The following JAKMIP3 variants were observed in gnomAD, a reference collection of about 807,000 sequenced individuals.
JAKMIP3 encodes janus kinase and microtubule-interacting protein 3.
A neutral mutation model predicts 118.5 loss-of-function variants in JAKMIP3; 58 were observed. That is an observed-to-expected ratio of 0.49 (90% CI 0.40 to 0.61). The LOEUF is 0.61. JAKMIP3 is among the 20% of genes least tolerant of loss of function. JAKMIP3 has a pLI of 0.00. For synonymous variants in JAKMIP3, 486 were observed against 451.2 expected, an observed-to-expected ratio of 1.08 and a Z score of -0.98; for missense variants, 950 against 1,109.0, an observed-to-expected ratio of 0.86 and a Z score of 2.04.
chr10:132,155,001 GAT>G (rs2056873137), intron 19 of JAKMIP3, among the ~76,000 whole-genome samples: 1 of 7,566 alleles, frequency 1.3e-4, no homozygotes, highest in Non-Finnish European at 3.1e-4. Context: ...TGGTGATTAT[GAT>G]GATGATGATA....
chr10:132,065,422 C>T (rs1273663251), upstream of JAKMIP3, among the ~76,000 whole-genome samples: 1 of 119,424 alleles, frequency 8.4e-6, no homozygotes, highest in Non-Finnish European at 1.7e-5. This position sits in a 1 kb window ranked among gnomAD's most constrained non-coding sequence, Gnocchi z 5.6. Context: ...AATAGATACC[C>T]TCAGAGTGGA....
At position 132,182,936 on chromosome 10, in the gene JAKMIP3, C is replaced by T. The variant is rs2061606199; in HGVS notation, c.*1683C>T. On this transcript the variant is annotated 3_prime_UTR_variant, in exon 24 of 24. Transcript: ENST00000684848. Reference sequence around the variant, plus strand: ...AATGCACTATTAATCAGCACTTGTCCAAGAAAGACCCATCCATTTCTGTTG... The same window carrying T: ...AATGCACTATTAATCAGCACTTGTCTAAGAAAGACCCATCCATTTCTGTTG... The T allele has an allele frequency of 6.6e-6, 1 of 152,042 alleles. No homozygotes were observed. The highest frequency in any genetic ancestry group is 2.1e-4 in the South Asian group (1 of 4,820). 9.4% of individuals were successfully genotyped at this position (152,042 alleles called of 1,614,324 possible).
intron 2 of JAKMIP3, among the ~76,000 whole-genome samples, chr10:132,110,303 C>G (rs965041008): frequency 6.6e-6 from 1 of 152,262 alleles, no homozygotes; most frequent in African/African-American, 2.4e-5. Flanking sequence ...CGGGCAGGTG[C>G]TCCCGGGCTG....
intron 1 of JAKMIP3, among the ~76,000 whole-genome samples, chr10:132,037,879 G>A (rs981261718): frequency 6.6e-6 from 1 of 152,228 alleles, no homozygotes; most frequent in Non-Finnish European, 1.5e-5. Flanking sequence ...GGGCTGCTCT[G>A]GGGCTGTAGA....
In JAKMIP3 at chr10:132,096,299, T is replaced by C. The variant is rs370690220; in HGVS notation, c.-137-8373T>C. On this transcript the variant is annotated intron_variant, in intron 1 of 23. Transcript: ENST00000684848. The stretch of plus-strand genomic sequence containing the variant: ...TTATAGAGTGATCGTTGCTGCCAAT[T>C]CTTATATCTCAAAAGGGACTTCTAG... Among the ~76,000 whole-genome samples, 11 of 152,322 alleles carry C rather than the reference T, an allele frequency of 7.2e-5. No homozygotes were observed. The South Asian group carries it at 2.3e-3, about 32-fold the overall frequency.
Position 132,179,138 on chromosome 10 carries a change from T to G in JAKMIP3, c.*1104-3219T>G, listed in dbSNP as rs1305960613. Among the ~76,000 whole-genome samples the G allele has an allele frequency of 6.6e-6, 1 of 152,226 alleles. No individual in the cohort carries two copies. Among genetic ancestry groups the G allele is most frequent in the Non-Finnish European group, 1.5e-5 (1 of 68,038 alleles). ...CTTGGCACTGTCCAATGAGCCAAGT[T>G]CATGATTGTGGTTGTCAACTTGTTC... On this transcript the variant is annotated intron_variant, in intron 23 of 23. Transcript: ENST00000684848. This position sits in a 1 kb window ranked among gnomAD's most constrained non-coding sequence, Gnocchi z 4.3.
chr10:132,046,153 C>T (rs915477340), intron 1 of JAKMIP3, among the ~76,000 whole-genome samples: 1 of 152,032 alleles, frequency 6.6e-6, no homozygotes, highest in Admixed American at 6.6e-5. Context: ...TCTGACTTCA[C>T]ATAGATAAAG....
At chr10:132,142,896 C>T (rs114263503) in intron 11 of JAKMIP3, among the ~76,000 whole-genome samples, 2,489 of 152,300 alleles carry the variant, frequency 0.016, 58 homozygotes, top group African/African-American at 0.057. Context: ...GGCAATTCTG[C>T]AACTTAGGGT....
At chr10:132,159,606 ATGTGATGCTGGGGGTCCTCTTCCTT>A (rs1564981572) in intron 19 of JAKMIP3, among the ~76,000 whole-genome samples, 29 of 36,176 alleles carry the variant, frequency 8.0e-4, no homozygotes, top group Admixed American at 1.8e-3. Context: ...ATGTCTTCCT[ATGTGATGCTGGGGGTCCTCTTCCTT>A]TGTGATGCTG....
rs1331455424 is a variant in JAKMIP3 at position 132,182,419 on chromosome 10, C to T, written c.*1166C>T. On this transcript the variant is annotated 3_prime_UTR_variant, in exon 24 of 24. Transcript: ENST00000684848. ...TGATTTCCATTCCTGCTGGGAGACCCGGGACGCAGCCCGGGAGCTTCGTCC... is the reference window on the plus strand; with the variant it reads ...TGATTTCCATTCCTGCTGGGAGACCTGGGACGCAGCCCGGGAGCTTCGTCC... 2.6e-5 allele frequency: 4 copies of T among 152,220 alleles called. No individual in the cohort carries two copies. The highest frequency in any genetic ancestry group is 7.2e-5 in the African/African-American group (3 of 41,456). The allele number at this position is 152,220 out of a possible 1,614,324, so 9.4% of individuals were successfully genotyped here. A position where few individuals can be genotyped will look rare whatever the true frequency, so the allele number is the denominator to read the frequency against.
rs1211790611 is a variant in JAKMIP3, at chr10:132,163,361, G to T, written c.2373G>T (p.Arg791=). 1 of 1,608,894 alleles carries T rather than the reference G, an allele frequency of 6.2e-7. No homozygotes were observed. The highest frequency in any genetic ancestry group is 1.1e-5 in the South Asian group (1 of 90,550). Residue 791 remains arginine (R), a synonymous_variant, in exon 20 of 24, where the codon CGG becomes CGT. Coordinates refer to ENST00000684848, the MANE Select transcript of JAKMIP3 (RefSeq NM_001323087.2). Reference sequence around the variant, plus strand: ...AGGTCATGAGTGAGCTGCGCGAGCGGGACGCCCAGATCCTGCGGGAGCGCA... The same window carrying T: ...AGGTCATGAGTGAGCTGCGCGAGCGTGACGCCCAGATCCTGCGGGAGCGCA... The part of the protein sequence containing the change: ...KRQVMSELRE[R]DAQILRERME...
rs543289153 is a variant in JAKMIP3, at chr10:132,115,370, G to A, written c.136-1707G>A. Among the ~76,000 whole-genome samples the A allele has an allele frequency of 6.6e-5, 10 of 152,334 alleles. No homozygotes were observed. In the East Asian group the frequency reaches 1.2e-3, roughly 18 times the overall value. ...AGGGGGACTCTGGGCCCCTGCTACCGATGGGCTGGGATCCCACCAGCGGCC... is the reference window on the plus strand; with the variant it reads ...AGGGGGACTCTGGGCCCCTGCTACCAATGGGCTGGGATCCCACCAGCGGCC... On this transcript the variant is annotated intron_variant, in intron 2 of 23. Transcript: ENST00000684848.
intron 16 of JAKMIP3, among the ~76,000 whole-genome samples, chr10:132,152,751 A>G (rs552442017): frequency 2.6e-4 from 40 of 152,174 alleles, no homozygotes; most frequent in Admixed American, 5.9e-4. Context: ...AGAAAACAAA[A>G]TCGGCAGCAC....
rs2043711312 is a variant in JAKMIP3 at position 132,095,407 on chromosome 10, T to A, written c.-137-9265T>A. ...AGCCCACAGGGCTTTTCCCACTGCT[T>A]CCTCCGCCCCTGTATTTCGCTCGAC... On this transcript the variant is annotated intron_variant, in intron 1 of 23. Transcript: ENST00000684848. Among the ~76,000 whole-genome samples the A allele has an allele frequency of 3.3e-5, 5 of 152,288 alleles. No homozygotes were observed. The South Asian group carries it at 8.3e-4, about 25-fold the overall frequency.
intron 1 of JAKMIP3, among the ~76,000 whole-genome samples, chr10:132,068,958 G>A (rs552784213): frequency 2.9e-4 from 44 of 152,292 alleles, no homozygotes; most frequent in Middle Eastern, 6.8e-3. Flanking sequence ...GCCAGCTCAG[G>A]ATGAAGGATG....
chr10:132,048,714 G>C lies in JAKMIP3; in HGVS notation c.-138+11976G>C, dbSNP rs538963015. Among the ~76,000 whole-genome samples, 34 of 146,060 alleles carry C rather than the reference G, an allele frequency of 2.3e-4. 1 individual carries two copies. Among genetic ancestry groups the C allele is most frequent in the South Asian group, 1.7e-3 (8 of 4,622 alleles). ...GAGTCTTGCTCTGTCACCCAGGCTA[G>C]AGTGCTCCGCCTCCCGGGTTCACGC... On this transcript the variant is annotated intron_variant, in intron 1 of 23. Coordinates refer to the JAKMIP3 transcript ENST00000657785.
chr10:132,062,109 C>T (rs2038415651), upstream of JAKMIP3, among the ~76,000 whole-genome samples: 1 of 151,572 alleles, frequency 6.6e-6, no homozygotes, highest in Non-Finnish European at 1.5e-5. Flanking sequence ...CACAGAGACA[C>T]AGGGGAAGAG....
Position 132,145,584 on chromosome 10 carries a change from A to G in JAKMIP3, c.1749+4A>G. ...AAATCAAGAGCTTGTGGAAAAGGTGAGCCCCGAACCCCTGGAGGCCCTGGC... is the reference window on the plus strand; with the variant it reads ...AAATCAAGAGCTTGTGGAAAAGGTGGGCCCCGAACCCCTGGAGGCCCTGGC... On this transcript the variant is annotated splice_donor_region_variant and intron_variant, in intron 13 of 23. Transcript: ENST00000684848. 1.3e-6 allele frequency: 2 copies of G among 1,560,348 alleles called. No individual in the cohort carries two copies. The highest frequency in any genetic ancestry group is 1.7e-6 in the Non-Finnish European group (2 of 1,152,332).
At chr10:132,171,648 C>CTTTTTTTTTTTTTTTTT (rs1324091102) in intron 23 of JAKMIP3, among the ~76,000 whole-genome samples, 2 of 125,554 alleles carry the variant, frequency 1.6e-5, no homozygotes, top group African/African-American at 6.7e-5. Context: ...TTATTTTTTT[C>CTTTTTTTTTTTTTTTTT]TTTCTTTTTT....
Sources: allele counts gnomAD v4.1 joint callset (sites outside exome capture counted in the v4.1 genomes callset), GRCh38; gene constraint gnomAD v4.1.1; non-coding constraint Gnocchi (gnomAD v3.1); transcripts MANE v1.5; gene names NCBI Gene and HGNC (gene_info 2026-07-23, HGNC 2026-07-21).